SNTG1: variants seen among roughly 807,000 people sequenced by gnomAD.
SNTG1 encodes syntrophin gamma 1.
In SNTG1, 39 loss-of-function variants were observed where a neutral mutation model predicts 74.7. That is an observed-to-expected ratio of 0.52 (90% CI 0.40 to 0.68). The LOEUF is 0.68. Among genes scored for constraint, SNTG1 ranks in the 30% least tolerant of loss-of-function variants. The pLI, the probability that SNTG1 is intolerant of heterozygous loss-of-function variation, is 0.00. For synonymous variants in SNTG1, 254 were observed against 217.1 expected, an observed-to-expected ratio of 1.17 and a Z score of -1.49; for missense variants, 685 against 609.5, an observed-to-expected ratio of 1.12 and a Z score of -1.30.
At chr8:50,613,224 G>A (rs577066713) in intron 13 of SNTG1, among the ~76,000 whole-genome samples, 11 of 152,236 alleles carry the variant, frequency 7.2e-5, no homozygotes, top group East Asian at 3.9e-4. Context: ...GGTGAAGTTC[G>A]TTTTAAGCCT....
At chr8:50,492,078 T>C (rs2093861495) in intron 8 of SNTG1, among the ~76,000 whole-genome samples, 1 of 152,202 alleles carries the variant, frequency 6.6e-6, no homozygotes, top group Non-Finnish European at 1.5e-5. Flanking sequence ...TCCTTTTTTA[T>C]GACTGCATAG....
At chr8:50,591,012 ATT>A in intron 13 of SNTG1, 95 bp downstream of exon 13, 1 of 810,802 alleles carries the variant, frequency 1.2e-6, no homozygotes, top group Non-Finnish European at 1.9e-6. Flanking sequence ...GACAGAAATA[ATT>A]GGTACTGTCA....
At chr8:50,508,774 T>C (rs1437835005) in intron 9 of SNTG1, among the ~76,000 whole-genome samples, 1 of 152,216 alleles carries the variant, frequency 6.6e-6, no homozygotes, top group East Asian at 1.9e-4. Context: ...ATTGTTTGTT[T>C]TTTTCTTGTA....
intron 1 of SNTG1, among the ~76,000 whole-genome samples, chr8:49,929,973 G>A (rs1317934281): frequency 1.4e-5 from 2 of 147,754 alleles, no homozygotes; most frequent in Non-Finnish European, 3.0e-5. Context: ...TCAAGAGGCA[G>A]AAAACCAAAA....
rs1164087165 is a variant in SNTG1, at chr8:50,795,146, A to AAATT, written c.*2319_*2322dup. ...TGTGTACATACATTTAATATACTTT[A>AAATT]AATTACGTTGTAAAATGTAGCTTGA... is the stretch of plus-strand genomic sequence containing the variant. On this transcript the variant is annotated 3_prime_UTR_variant, in exon 19 of 19. Coordinates refer to ENST00000642720, the MANE Select transcript of SNTG1 (RefSeq NM_018967.5). The AAATT allele has an allele frequency of 1.4e-4, 22 of 152,142 alleles. No individual in the cohort carries two copies. The highest frequency in any genetic ancestry group is 3.4e-3 in the Middle Eastern group (1 of 294). 9.4% of individuals were successfully genotyped at this position (152,142 alleles called of 1,614,324 possible).
chr8:50,372,062 T>C (rs1439323929), intron 2 of SNTG1, among the ~76,000 whole-genome samples: 6 of 152,134 alleles, frequency 3.9e-5, no homozygotes, highest in Non-Finnish European at 5.9e-5. Flanking sequence ...TGCCATTTCG[T>C]TATTGTTTTT....
intron 8 of SNTG1, among the ~76,000 whole-genome samples, chr8:50,473,233 A>T (rs1054563103): frequency 1.3e-5 from 2 of 152,076 alleles, no homozygotes; most frequent in Non-Finnish European, 2.9e-5. Context: ...GGCTCTTTCC[A>T]TTTCATTTGG....
chr8:50,574,812 G>T (rs2094567726), intron 12 of SNTG1, among the ~76,000 whole-genome samples: 1 of 152,064 alleles, frequency 6.6e-6, no homozygotes, highest in South Asian at 2.1e-4. Flanking sequence ...ACCAGTCAAT[G>T]AAAACATTGC....
At chr8:50,017,343 G>A (rs1356656258) in intron 1 of SNTG1, among the ~76,000 whole-genome samples, 1 of 151,846 alleles carries the variant, frequency 6.6e-6, no homozygotes, top group Non-Finnish European at 1.5e-5. Flanking sequence ...CAAAAGACAG[G>A]AATGGATGAA....
chr8:50,687,007 C>T (rs13272324), intron 15 of SNTG1, among the ~76,000 whole-genome samples: 31,284 of 150,512 alleles, frequency 0.21, 3,365 homozygotes, highest in South Asian at 0.31. Flanking sequence ...CAGTGGCGGG[C>T]GCCTGTAGTC....
intron 2 of SNTG1, among the ~76,000 whole-genome samples, chr8:50,295,969 A>T (rs2049499769): frequency 1.3e-5 from 2 of 152,188 alleles, no homozygotes; most frequent in South Asian, 4.1e-4. Context: ...ATGGCATTTG[A>T]GTGTGTGCAT....
intron 2 of SNTG1, among the ~76,000 whole-genome samples, chr8:50,287,759 C>G (rs16914623): frequency 0.049 from 7,436 of 152,188 alleles, 414 homozygotes; most frequent in South Asian, 0.17. Flanking sequence ...TTCACTTGCT[C>G]CCCAAGAACC....
chr8:50,612,854 CACATGGAG>C (rs1294338427), intron 13 of SNTG1, among the ~76,000 whole-genome samples: 4 of 152,002 alleles, frequency 2.6e-5, no homozygotes, highest in African/African-American at 9.7e-5. Flanking sequence ...CTAGCAGTTG[CACATGGAG>C]ACATGAATAT....
intron 2 of SNTG1, among the ~76,000 whole-genome samples, chr8:50,278,150 C>T (rs2088223887): frequency 1.3e-5 from 2 of 151,766 alleles, no homozygotes; most frequent in South Asian, 4.2e-4. Flanking sequence ...TCTAGTCTGG[C>T]CACAGAGTGA....
At chr8:50,604,188 G>A (rs1440927981) in intron 13 of SNTG1, among the ~76,000 whole-genome samples, 1 of 152,156 alleles carries the variant, frequency 6.6e-6, no homozygotes, top group Non-Finnish European at 1.5e-5. Context: ...GGAGGCTGAG[G>A]CAGGCAGATC....
chr8:50,113,226 C>G (rs1017918522), intron 1 of SNTG1, among the ~76,000 whole-genome samples: 1 of 152,096 alleles, frequency 6.6e-6, no homozygotes, highest in African/African-American at 2.4e-5. Flanking sequence ...TTCTTCCTAT[C>G]CATGAGCATG....
chr8:50,173,930 C>T (rs2082899178), intron 2 of SNTG1, among the ~76,000 whole-genome samples: 1 of 152,134 alleles, frequency 6.6e-6, no homozygotes. Context: ...ATCAACCCAT[C>T]ATCTAGGTTT....
chr8:50,008,032 C>G (rs1369910208), intron 1 of SNTG1, among the ~76,000 whole-genome samples: 1 of 151,968 alleles, frequency 6.6e-6, no homozygotes, highest in East Asian at 1.9e-4. Flanking sequence ...CCCCATGATC[C>G]AATCACCCCC....
intron 2 of SNTG1, among the ~76,000 whole-genome samples, chr8:50,232,067 A>G (rs2085656777): frequency 6.6e-6 from 1 of 151,408 alleles, no homozygotes; most frequent in Admixed American, 6.6e-5. Context: ...AGAAGATAAA[A>G]CACTTACCAA....
Sources: allele counts gnomAD v4.1 joint callset (sites outside exome capture counted in the v4.1 genomes callset), GRCh38; gene constraint gnomAD v4.1.1; transcripts MANE v1.5; gene names NCBI Gene and HGNC (gene_info 2026-07-23, HGNC 2026-07-21).